ATP13A4: variants seen among roughly 807,000 people sequenced by gnomAD.
ATP13A4 encodes the protein probable cation-transporting ATPase 13A4.
Under a neutral mutation model 142.5 loss-of-function variants are expected in ATP13A4, and 114 were observed. The ratio of observed to expected loss-of-function variants is 0.80; its 90% confidence interval spans 0.69 to 0.93. The LOEUF is 0.93. Ranked by LOEUF, ATP13A4 falls within the 40% of genes least tolerant of loss-of-function variation. The pLI, the probability that ATP13A4 is intolerant of heterozygous loss-of-function variation, is 0.00. For synonymous variants in ATP13A4, 488 were observed against 514.8 expected (o/e 0.95, Z 0.70); for missense variants, 1,392 against 1,454.0 (o/e 0.96, Z 0.69).
rs190017804 is a variant in ATP13A4, at chr3:193,418,234, G to A, written c.2843-3484C>T. Reference sequence around the variant, plus strand: ...CAGGAGGCTGAGGCAGGAGAATGGCGTGAACCCCGAGGGGCCAGAGCCTGC... The same window carrying A: ...CAGGAGGCTGAGGCAGGAGAATGGCATGAACCCCGAGGGGCCAGAGCCTGC... On this transcript the variant is annotated intron_variant, in intron 25 of 29. Transcript: ENST00000342695. Among the ~76,000 whole-genome samples the A allele has an allele frequency of 1.4e-4, 20 of 142,578 alleles. 2 individuals carry two copies. Among genetic ancestry groups the A allele is most frequent in the Admixed American group, 6.8e-4 (9 of 13,250 alleles). The allele number at this position is 142,578 out of a possible 152,430, so 93.5% of individuals were successfully genotyped here. A position where few individuals can be genotyped will look rare whatever the true frequency, so the allele number is the denominator to read the frequency against.
chr3:193,407,345 T>C lies in ATP13A4; in HGVS notation c.3346A>G (p.Ser1116Gly). The C allele has an allele frequency of 6.2e-7, 1 of 1,613,562 alleles. No homozygotes were observed. The highest frequency in any genetic ancestry group is 8.5e-7 in the Non-Finnish European group (1 of 1,179,654). ...LWRASIVIML[S>G]LNFIVSLVAE... ...ACAAGGGACACAATGAAATTCAAGC[T>C]GAGCATGATGACAATGGAGGCCCTC... The change falls in exon 29 of 30, where the codon AGC becomes GGC. Residue 1116 changes from serine to glycine, a missense_variant. By Grantham distance (56) the Ser-to-Gly change is moderately conservative. Coordinates refer to ENST00000342695, the MANE Select transcript of ATP13A4 (RefSeq NM_032279.4).
intron 9 of ATP13A4, 25 bp from the exon 10 acceptor site, chr3:193,467,511 T>G: frequency 1.2e-6 from 2 of 1,610,128 alleles, no homozygotes; most frequent in Non-Finnish European, 1.7e-6. Flanking sequence ...CATCTTGTTT[T>G]GTGAGGCAGG....
At chr3:193,408,154 T>A (rs915627214) in intron 28 of ATP13A4, among the ~76,000 whole-genome samples, 1 of 152,282 alleles carries the variant, frequency 6.6e-6, no homozygotes. Flanking sequence ...CACTGACTTA[T>A]GCATTGCCTC....
rs969812430 is a variant in ATP13A4, at chr3:193,510,995, C to T, written c.234+3703G>A. Among the ~76,000 whole-genome samples the T allele has an allele frequency of 2.0e-5, 3 of 152,038 alleles. No homozygotes were observed. In the East Asian group the frequency reaches 5.8e-4, roughly 29 times the overall value. On this transcript the variant is annotated intron_variant, in intron 2 of 29. Coordinates refer to ENST00000342695, the MANE Select transcript of ATP13A4 (RefSeq NM_032279.4). ...GCAGCAAACTTTTAAACTATTGGTG[C>T]CCAAAGCTTATTTTTATCTAACTCT...
intron 28 of ATP13A4, among the ~76,000 whole-genome samples, chr3:193,407,814 A>C (rs1714578809): frequency 6.6e-6 from 1 of 152,186 alleles, no homozygotes; most frequent in Admixed American, 6.5e-5. Context: ...GCCTGATGGT[A>C]CCCATGTCAA....
Position 193,423,842 on chromosome 3 carries a change from G to GA in ATP13A4, c.2843-9093dup, listed in dbSNP as rs35659312. ...TCCTAGCCAGAGCAACTAGGCAAGA[G>GA]AAAAAAAAAACAGACATTCAAATTG... On this transcript the variant is annotated intron_variant, in intron 25 of 29. Transcript: ENST00000342695. Among the ~76,000 whole-genome samples, 14 of 146,230 alleles carry GA rather than the reference G, an allele frequency of 9.6e-5. 1 individual carries two copies. The East Asian group carries it at 1.1e-3, about 11-fold the overall frequency.
At chr3:193,403,001 T>C (rs1202851560) in intron 29 of ATP13A4, 137 bp from the exon 30 acceptor site, 1 of 790,276 alleles carries the variant, frequency 1.3e-6, no homozygotes, top group Non-Finnish European at 2.1e-6. Flanking sequence ...ACTGGACCAA[T>C]CTAAGGTGGT....
In ATP13A4 at chr3:193,457,450, C is replaced by G; in HGVS notation, c.1690G>C (p.Gly564Arg). The G allele has an allele frequency of 6.2e-7, 1 of 1,614,000 alleles. No individual in the cohort carries two copies. Among genetic ancestry groups the G allele is most frequent in the Non-Finnish European group, 8.5e-7 (1 of 1,179,954 alleles). Residue 564 changes from glycine (G) to arginine (R), a missense_variant, in exon 15 of 30, where the codon GGG becomes CGG. Gly to Arg is a moderately radical substitution (Grantham distance 125, BLOSUM62 -2). Coordinates refer to ENST00000342695, the MANE Select transcript of ATP13A4 (RefSeq NM_032279.4). ...EATTWEMAFS[G>R]DDFHIKGVPA... The stretch of plus-strand genomic sequence containing the variant: ...ACTCCCTTGATGTGGAAATCGTCCC[C>G]AGAAAAAGCCATTTCCTATTTCACA...
chr3:193,411,911 A>G (rs1359730697), intron 27 of ATP13A4, among the ~76,000 whole-genome samples: 4 of 152,236 alleles, frequency 2.6e-5, no homozygotes, highest in Non-Finnish European at 5.9e-5. Flanking sequence ...GGTCTTTTCA[A>G]TTTGGAGTGA....
At chr3:193,403,093 ACT>A (rs1407504007) in intron 29 of ATP13A4, among the ~76,000 whole-genome samples, 1 of 152,108 alleles carries the variant, frequency 6.6e-6, no homozygotes, top group African/African-American at 2.4e-5. Context: ...ACATTTCAAG[ACT>A]CTGGGAACAT....
At chr3:193,411,465 A>G (rs1358660531) in intron 27 of ATP13A4, among the ~76,000 whole-genome samples, 2 of 152,238 alleles carry the variant, frequency 1.3e-5, no homozygotes. Context: ...TTGTTATCAT[A>G]TAGAGGTCAG....
In ATP13A4 at chr3:193,399,195, T is replaced by C. The variant is rs1340873622; in HGVS notation, c.*3457A>G. 6.6e-6 allele frequency among the ~76,000 whole-genome samples: 1 copy of C among 152,180 alleles called. No homozygotes were observed. Among genetic ancestry groups the C allele is most frequent in the Non-Finnish European group, 1.5e-5 (1 of 68,020 alleles). On this transcript the variant is annotated 3_prime_UTR_variant, in exon 30 of 30. Coordinates refer to ENST00000342695, the MANE Select transcript of ATP13A4 (RefSeq NM_032279.4). ...TGAACATACAGGGCACCGTCTCAAA[T>C]GATTTGGACTATGTGACTGTGTTCG...
chr3:193,513,911 C>T (rs746924190), intron 2 of ATP13A4, among the ~76,000 whole-genome samples: 19 of 152,190 alleles, frequency 1.2e-4, no homozygotes, highest in Admixed American at 5.2e-4. Context: ...TCGAGAGGAA[C>T]GGTCAGTGTG....
At chr3:193,503,674 A>C (rs1472784563) in intron 2 of ATP13A4, among the ~76,000 whole-genome samples, 2 of 152,170 alleles carry the variant, frequency 1.3e-5, no homozygotes, top group East Asian at 3.9e-4. Context: ...AATCTCTTAT[A>C]TTCATCCTCC....
At chr3:193,502,298 G>C (rs1720594005) in intron 3 of ATP13A4, among the ~76,000 whole-genome samples, 195 bp downstream of exon 3, 2 of 152,180 alleles carry the variant, frequency 1.3e-5, no homozygotes, top group African/African-American at 4.8e-5. Context: ...AACAGGCTCA[G>C]CAGAGTTAAG....
At chr3:193,504,918 T>C (rs1253996336) in intron 2 of ATP13A4, among the ~76,000 whole-genome samples, 5 of 152,192 alleles carry the variant, frequency 3.3e-5, no homozygotes, top group Admixed American at 1.3e-4. Context: ...AATTTTCATA[T>C]GATTACATAG....
intron 2 of ATP13A4, among the ~76,000 whole-genome samples, chr3:193,565,825 T>C (rs970427268): frequency 6.6e-6 from 1 of 152,250 alleles, no homozygotes; most frequent in South Asian, 2.1e-4. Flanking sequence ...ATTCATTTCC[T>C]GTTTCTTGCT....
At chr3:193,475,393 A>T (rs1057127887) in intron 8 of ATP13A4, among the ~76,000 whole-genome samples, 1 of 152,018 alleles carries the variant, frequency 6.6e-6, no homozygotes, top group Admixed American at 6.5e-5. Context: ...ACGCAGCAGG[A>T]AATACAGTTA....
chr3:193,457,828 A>C (rs992354259), intron 14 of ATP13A4, among the ~76,000 whole-genome samples: 5 of 152,230 alleles, frequency 3.3e-5, no homozygotes, highest in African/African-American at 7.2e-5. Context: ...CTTTTCCTGC[A>C]CTTCACGGCT....
Sources: allele counts gnomAD v4.1 joint callset (sites outside exome capture counted in the v4.1 genomes callset), GRCh38; gene constraint gnomAD v4.1.1; transcripts MANE v1.5; gene names NCBI Gene and HGNC (gene_info 2026-07-23, HGNC 2026-07-21).